Variants in ARHGAP20 observed in about 807,000 individuals in gnomAD.
The protein encoded by ARHGAP20 is rho GTPase-activating protein 20.
A neutral mutation model predicts 73.7 loss-of-function variants in ARHGAP20; 34 were observed. That is an observed-to-expected ratio of 0.46 (90% CI 0.35 to 0.61). ARHGAP20 has a LOEUF of 0.61. Ranked by LOEUF, ARHGAP20 falls within the 20% of genes least tolerant of loss-of-function variation. ARHGAP20 has a pLI of 0.00. For missense variants in ARHGAP20, 1,314 were observed against 1,420.9 expected (o/e 0.92, Z 1.21); for synonymous variants, 523 against 518.2 (o/e 1.01, Z -0.13).
intron 2 of ARHGAP20, among the ~76,000 whole-genome samples, chr11:110,673,291 C>T (rs1949865728): frequency 6.6e-6 from 1 of 151,974 alleles, no homozygotes; most frequent in South Asian, 2.1e-4. Flanking sequence ...GCCCTTTTAG[C>T]AAATGACAGA....
intron 2 of ARHGAP20, among the ~76,000 whole-genome samples, chr11:110,647,159 TTGTGTGTGTG>T (rs142318441): frequency 6.7e-6 from 1 of 149,888 alleles, no homozygotes; most frequent in Non-Finnish European, 1.5e-5. Context: ...TAGATTGATT[TTGTGTGTGTG>T]TGTGTGTGCA....
chr11:110,648,484 ATT>A lies in ARHGAP20; in HGVS notation c.189-17694_189-17693del, dbSNP rs34339794. Among the ~76,000 whole-genome samples the A allele has an allele frequency of 6.5e-3, 853 of 131,446 alleles. 3 individuals are homozygous for A. The highest frequency in any genetic ancestry group is 0.022 in the South Asian group (89 of 4,088). 86.2% of individuals were successfully genotyped at this position (131,446 alleles called of 152,430 possible). On this transcript the variant is annotated intron_variant, in intron 2 of 14. Coordinates refer to ENST00000683387, the MANE Select transcript of ARHGAP20 (RefSeq NM_001384657.1). The stretch of plus-strand genomic sequence containing the variant: ...TCATAAGTTCCACACCATAACATGA[ATT>A]TTTTTTTTTTTTTTTTGAGACAGAG...
intron 11 of ARHGAP20, among the ~76,000 whole-genome samples, chr11:110,590,090 C>A (rs1422079137): frequency 6.8e-6 from 1 of 147,900 alleles, no homozygotes; most frequent in Admixed American, 6.8e-5. Context: ...CATTGCACTC[C>A]AGCCTGGCCG....
chr11:110,662,476 T>C lies in ARHGAP20; in HGVS notation c.188+28071A>G, dbSNP rs191072997. On this transcript the variant is annotated intron_variant, in intron 2 of 14. Transcript: ENST00000683387. Reference sequence around the variant, plus strand: ...TTATTATTAGGATATACCGTAAAGATAGTTGCCAAAACAAATCTTAAACAA... The same window carrying C: ...TTATTATTAGGATATACCGTAAAGACAGTTGCCAAAACAAATCTTAAACAA... Among the ~76,000 whole-genome samples the C allele has an allele frequency of 3.1e-3, 478 of 152,060 alleles. 3 individuals are homozygous for C. Among genetic ancestry groups the C allele is most frequent in the African/African-American group, 0.01 (431 of 41,546 alleles).
intron 4 of ARHGAP20, 97 bp from the exon 5 acceptor site, chr11:110,615,691 C>T: frequency 9.3e-7 from 1 of 1,080,826 alleles, no homozygotes; most frequent in Non-Finnish European, 1.4e-6. Flanking sequence ...TATCAACAAC[C>T]TGTTGTTACT....
At chr11:110,697,566 T>A (rs1565483358) in intron 1 of ARHGAP20, among the ~76,000 whole-genome samples, 1 of 151,856 alleles carries the variant, frequency 6.6e-6, no homozygotes, top group African/African-American at 2.4e-5. Context: ...TTGCAGACGC[T>A]GTTTAGTTTA....
In ARHGAP20 at chr11:110,577,812, A is replaced by ATAAC; in HGVS notation, c.*1554_*1557dup. ...GGTAGCACCTATAGCTAATACTGAA[A>ATAAC]TAACTTCTTCTATCTTAGAGAAAAT... On this transcript the variant is annotated 3_prime_UTR_variant, in exon 15 of 15. Coordinates refer to ENST00000683387, the MANE Select transcript of ARHGAP20 (RefSeq NM_001384657.1). 1 of 985,808 alleles carries ATAAC rather than the reference A, an allele frequency of 1.0e-6. No homozygotes were observed. Among genetic ancestry groups the ATAAC allele is most frequent in the Non-Finnish European group, 1.2e-6 (1 of 829,864 alleles). 61.1% of individuals were successfully genotyped at this position (985,808 alleles called of 1,614,324 possible).
chr11:110,625,020 ATTTTTATTTTT>A (rs1565445262), intron 3 of ARHGAP20, among the ~76,000 whole-genome samples: 81 of 125,126 alleles, frequency 6.5e-4, no homozygotes, highest in African/African-American at 2.0e-3. Context: ...TTTTTTTTTT[ATTTTTATTTTT>A]ATTTTTTTTT....
chr11:110,679,656 T>C (rs11823081), intron 2 of ARHGAP20, among the ~76,000 whole-genome samples: 8,706 of 152,078 alleles, frequency 0.057, 293 homozygotes, highest in Middle Eastern at 0.099. Context: ...ATGAGAAGAA[T>C]TTAGTCAACT....
At chr11:110,584,416 CTG>C (rs1947562581) in intron 12 of ARHGAP20, among the ~76,000 whole-genome samples, 1 of 148,756 alleles carries the variant, frequency 6.7e-6, no homozygotes, top group African/African-American at 2.5e-5. Flanking sequence ...ATATTCATGA[CTG>C]TTTTTTTTTT....
chr11:110,668,688 T>C (rs948783642), intron 2 of ARHGAP20, among the ~76,000 whole-genome samples: 1 of 151,992 alleles, frequency 6.6e-6, no homozygotes, highest in African/African-American at 2.4e-5. Context: ...AGAAAATATA[T>C]AATGCCATTG....
At chr11:110,628,881 G>A (rs1452395957) in intron 3 of ARHGAP20, among the ~76,000 whole-genome samples, 1 of 152,068 alleles carries the variant, frequency 6.6e-6, no homozygotes, top group East Asian at 1.9e-4. Context: ...CAATATTCTA[G>A]TGGAAAAGAA....
chr11:110,599,526 G>C (rs947050709), intron 9 of ARHGAP20, among the ~76,000 whole-genome samples: 11 of 152,216 alleles, frequency 7.2e-5, no homozygotes, highest in African/African-American at 2.7e-4. Context: ...AGGCAGAAAG[G>C]TTCCTGGGCA....
At chr11:110,675,754 T>C (rs1394389431) in intron 2 of ARHGAP20, among the ~76,000 whole-genome samples, 1 of 152,176 alleles carries the variant, frequency 6.6e-6, no homozygotes, top group African/African-American at 2.4e-5. Flanking sequence ...ATCCCTGTGC[T>C]AGAGGACTCC....
At chr11:110,712,616 C>T (rs115530521), upstream of ARHGAP20, 2,589 of 152,532 alleles carry the variant, frequency 0.017, 52 homozygotes, top group African/African-American at 0.046. Flanking sequence ...TATATGTTAG[C>T]ACACCGGCCA....
rs1439423471 is a variant in ARHGAP20, at chr11:110,651,827, C to A, written c.189-21035G>T. On this transcript the variant is annotated intron_variant, in intron 2 of 14. Transcript: ENST00000683387. Reference sequence around the variant, plus strand: ...CAGAGGTACAAAGAGAAGCTGCTACCATTTCTTCTCGACCTATTCCAAACA... The same window carrying A: ...CAGAGGTACAAAGAGAAGCTGCTACAATTTCTTCTCGACCTATTCCAAACA... 3.9e-5 allele frequency among the ~76,000 whole-genome samples: 6 copies of A among 152,156 alleles called. No homozygotes were observed. The East Asian group carries it at 1.2e-3, about 29-fold the overall frequency.
rs1947439994 is a variant in ARHGAP20 at position 110,580,793 on chromosome 11, A to G, written c.2153T>C (p.Leu718Pro). Residue 718 changes from leucine to proline, a missense_variant, in exon 15 of 15, where the codon CTC (leucine) becomes CCC (proline). Physicochemically the swap from Leu to Pro is moderately conservative, Grantham distance 98 (BLOSUM62 -3). Transcript: ENST00000683387. ...TAGCTTTTTCTGATAAAACTCCCTGAGGTAGGAAAGCTTTGAATCCAGATA... is the reference window on the plus strand; with the variant it reads ...TAGCTTTTTCTGATAAAACTCCCTGGGGTAGGAAAGCTTTGAATCCAGATA... ...IDYLDSKLSYLREFYQKKLRK... is the reference protein window; with the variant it reads ...IDYLDSKLSYPREFYQKKLRK... 6.2e-7 allele frequency: 1 copy of G among 1,613,864 alleles called. No homozygotes were observed. The highest frequency in any genetic ancestry group is 8.5e-7 in the Non-Finnish European group (1 of 1,180,000).
At chr11:110,685,264 A>G (rs1284155751) in intron 2 of ARHGAP20, among the ~76,000 whole-genome samples, 2 of 152,178 alleles carry the variant, frequency 1.3e-5, no homozygotes, top group African/African-American at 4.8e-5. Flanking sequence ...ACCCTTTAAC[A>G]TATGTGCTCA....
intron 2 of ARHGAP20, among the ~76,000 whole-genome samples, chr11:110,640,508 T>C (rs1253886636): frequency 6.6e-6 from 1 of 152,024 alleles, no homozygotes; most frequent in Non-Finnish European, 1.5e-5. Flanking sequence ...CAAAACTCTA[T>C]CTTATTCAGC....
Sources: gnomAD v4.1 joint callset for allele counts (sites outside exome capture counted in the v4.1 genomes callset) on GRCh38, gnomAD v4.1.1 for gene constraint, MANE v1.5 for transcripts, NCBI Gene and HGNC (gene_info 2026-07-23, HGNC 2026-07-21) for gene names.